The following STYXL2 variants were observed in gnomAD, a reference collection of about 807,000 sequenced individuals.
STYXL2 encodes the protein serine/threonine/tyrosine interacting like 2, also known as serine/threonine/tyrosine-interacting-like protein 2.
A neutral mutation model predicts 52.4 loss-of-function variants in STYXL2; 44 were observed. The ratio of observed to expected loss-of-function variants is 0.84; its 90% CI spans 0.66 to 1.08. STYXL2 has a LOEUF of 1.08. STYXL2 is among the 50% of genes least tolerant of loss of function. STYXL2 has a pLI of 0.00. For synonymous variants in STYXL2, 604 were observed against 586.9 expected (o/e 1.03, Z -0.42); for missense variants, 1,604 against 1,471.7 (o/e 1.09, Z -1.47).
At chr1:167,107,396 A>C (rs976910948) in intron 2 of STYXL2, among the ~76,000 whole-genome samples, 1 of 152,200 alleles carries the variant, frequency 6.6e-6, no homozygotes, top group African/African-American at 2.4e-5. Flanking sequence ...ATCTGGGGTG[A>C]CCATTACTCT....
At position 167,126,472 on chromosome 1, in the gene STYXL2, C is replaced by T. The variant is rs1364295813; in HGVS notation, c.1341C>T (p.Asp447=). ...SSAWESVSSH[D]IWVLKQQLEL... ...CCTGGGAGAGCGTGAGCAGCCACGA[C>T]ATCTGGGTCCTGAAGCAGCAGCTGG... is the stretch of plus-strand genomic sequence containing the variant. The change falls in exon 6 of 6, where the codon GAC becomes GAT. Residue 447 remains aspartate (D), a synonymous_variant. Transcript: ENST00000361200. 8.1e-6 allele frequency: 13 copies of T among 1,600,922 alleles called. No homozygotes were observed. Among genetic ancestry groups the T allele is most frequent in the Admixed American group, 3.5e-5 (2 of 57,752 alleles).
chr1:167,102,247 T>A (rs1412803518), intron 2 of STYXL2, among the ~76,000 whole-genome samples: 5 of 152,034 alleles, frequency 3.3e-5, no homozygotes, highest in Non-Finnish European at 7.4e-5. Context: ...ATATGTCAAA[T>A]CTTGTATATT....
intron 2 of STYXL2, among the ~76,000 whole-genome samples, chr1:167,099,898 T>C (rs1242123637): frequency 6.6e-6 from 1 of 152,268 alleles, no homozygotes; most frequent in Non-Finnish European, 1.5e-5. Context: ...AGCAGTAGGC[T>C]AGATAAATAG....
rs780621076 is a variant in STYXL2, at chr1:167,128,434, A to C, written c.3303A>C (p.Lys1101Asn). The change falls in exon 6 of 6, where the codon AAA (lysine) becomes AAC (asparagine). Residue 1101 changes from lysine to asparagine, a missense_variant. By Grantham distance (94) the Lys-to-Asn change is moderately conservative. Transcript: ENST00000361200. Reference protein sequence around the residue: ...SFMRSEEEGEKERTENREEGR... With the variant: ...SFMRSEEEGENERTENREEGR... Reference sequence around the variant, plus strand: ...TGAGGTCTGAAGAAGAGGGAGAGAAAGAGAGGACAGAAAACAGAGAAGAAG... The same window carrying C: ...TGAGGTCTGAAGAAGAGGGAGAGAACGAGAGGACAGAAAACAGAGAAGAAG... 1.5e-5 allele frequency: 24 copies of C among 1,613,996 alleles called. No homozygotes were observed. Among genetic ancestry groups the C allele is most frequent in the Non-Finnish European group, 1.9e-5 (23 of 1,180,012 alleles).
Position 167,126,405 on chromosome 1 carries a change from C to A in STYXL2, c.1274C>A (p.Ser425Tyr). 1 of 1,558,554 alleles carries A rather than the reference C, an allele frequency of 6.4e-7. No individual in the cohort carries two copies. Among genetic ancestry groups the A allele is most frequent in the South Asian group, 1.2e-5 (1 of 84,654 alleles). ...AAGGAGGAGGAGAGCGACGCTGGCT[C>A]CTCGGTGGGGAGGCGGCGGCGCACC... is the stretch of plus-strand genomic sequence containing the variant. ...EEKEEESDAG[S>Y]SVGRRRRTLS... Residue 425 changes from serine to tyrosine, a missense_variant, in exon 6 of 6, where the codon TCC becomes TAC. Coordinates refer to ENST00000361200, the MANE Select transcript of STYXL2 (RefSeq NM_001080426.3).
At chr1:167,111,391 A>G (rs1571338162) in intron 2 of STYXL2, among the ~76,000 whole-genome samples, 1 of 150,090 alleles carries the variant, frequency 6.7e-6, no homozygotes, top group South Asian at 2.1e-4. Flanking sequence ...TGTTTATAGC[A>G]GCACAGTTCA....
rs767017134 is a variant in STYXL2, at chr1:167,127,109, T to C, written c.1978T>C (p.Ser660Pro). ...CACGGCCAGCGGGAGCATTCCCCTG[T>C]CTGCGTTCTGGTCTGCAGACCCCTC... ...SSTASGSIPL[S>P]AFWSADPSVS... is the part of the protein sequence containing the mutation. Residue 660 changes from serine (S) to proline (P), a missense_variant, in exon 6 of 6, where the codon TCT becomes CCT. By Grantham distance (74) the Ser-to-Pro change is moderately conservative (BLOSUM62 -1). Transcript: ENST00000361200. 7 of 1,613,864 alleles carry C rather than the reference T, an allele frequency of 4.3e-6. No individual in the cohort carries two copies. Among genetic ancestry groups the C allele is most frequent in the Non-Finnish European group, 5.9e-6 (7 of 1,179,922 alleles).
rs768010442 is a variant in STYXL2, at chr1:167,119,381, G to T, written c.570G>T (p.Glu190Asp). The T allele has an allele frequency of 1.9e-6, 3 of 1,614,202 alleles. No individual in the cohort carries two copies. The highest frequency in any genetic ancestry group is 2.5e-6 in the Non-Finnish European group (3 of 1,180,026). The change falls in exon 5 of 6, where the codon GAG (glutamate) becomes GAT (aspartate). Residue 190 changes from glutamate to aspartate, a missense_variant. Transcript: ENST00000361200. ...TGGAGATCCAGTACCTGGGTGTAGAGGTGGATGACTTTCCTGAGGTGGACA... is the reference window on the plus strand; with the variant it reads ...TGGAGATCCAGTACCTGGGTGTAGATGTGGATGACTTTCCTGAGGTGGACA... ...TGLEIQYLGV[E>D]VDDFPEVDIS...
At chr1:167,096,042 G>C (rs995883754) in intron 2 of STYXL2, among the ~76,000 whole-genome samples, 8 of 152,106 alleles carry the variant, frequency 5.3e-5, no homozygotes, top group Non-Finnish European at 1.0e-4. Flanking sequence ...GGAGGATCAT[G>C]AGGTCAGGAG....
chr1:167,126,515 C>A lies in STYXL2; in HGVS notation c.1384C>A (p.His462Asn). ...KQQLELNRPDHGRRRRADSMS... is the reference protein window; with the variant it reads ...KQQLELNRPDNGRRRRADSMS... ...GCAGCTGGAGCTGAACCGCCCGGAC[C>A]ACGGCAGGAGGCGCCGCGCAGACTC... The change falls in exon 6 of 6, where the codon CAC becomes AAC. Residue 462 changes from histidine (H) to asparagine (N), a missense_variant. Transcript: ENST00000361200. 2 of 1,612,758 alleles carry A rather than the reference C, an allele frequency of 1.2e-6. No homozygotes were observed. Among genetic ancestry groups the A allele is most frequent in the East Asian group, 2.2e-5 (1 of 44,762 alleles).
intron 4 of STYXL2, 26 bp downstream of exon 4, chr1:167,117,585 C>G (rs1435342451): frequency 6.4e-7 from 1 of 1,557,426 alleles, no homozygotes; most frequent in East Asian, 2.4e-5. Context: ...CTTCATGACC[C>G]TTTGTCCTAA....
chr1:167,107,622 T>C (rs550335003), intron 2 of STYXL2, among the ~76,000 whole-genome samples: 23 of 152,332 alleles, frequency 1.5e-4, no homozygotes, highest in African/African-American at 4.8e-4. Flanking sequence ...CCCTTAAGTA[T>C]AGTTCTATTG....
Position 167,128,496 on chromosome 1 carries a change from G to C in STYXL2, c.3365G>C (p.Arg1122Thr). The C allele has an allele frequency of 6.2e-7, 1 of 1,613,980 alleles. No homozygotes were observed. The part of the protein sequence containing the change: ...FASGRRSQYR[R>T]STDREEEEEM... ...TCTGGACGGCGGTCCCAGTATCGGA[G>C]AAGCACTGACAGGGAGGAAGAGGAA... is the stretch of plus-strand genomic sequence containing the variant. Residue 1122 changes from arginine (R) to threonine (T), a missense_variant, in exon 6 of 6, where the codon AGA becomes ACA. Arg to Thr is a moderately conservative substitution (Grantham distance 71, BLOSUM62 -1). Transcript: ENST00000361200.
chr1:167,108,943 A>G (rs1667560587), intron 2 of STYXL2, among the ~76,000 whole-genome samples: 1 of 152,180 alleles, frequency 6.6e-6, no homozygotes, highest in African/African-American at 2.4e-5. Context: ...AACCTTTCCT[A>G]GAGGTAAAAT....
chr1:167,110,261 T>C (rs1296506072), intron 2 of STYXL2, among the ~76,000 whole-genome samples: 2 of 152,106 alleles, frequency 1.3e-5, no homozygotes, highest in Non-Finnish European at 2.9e-5. Context: ...CAACATAGTC[T>C]AGCCAAATGA....
At chr1:167,117,252 A>G (rs1478184763) in intron 3 of STYXL2, 76 bp from the exon 4 acceptor site, 2 of 1,326,710 alleles carry the variant, frequency 1.5e-6, no homozygotes, top group South Asian at 2.7e-5. Context: ...ACTGGCCAAG[A>G]GCATGTTCTC....
Position 167,126,655 on chromosome 1 carries a change from C to G in STYXL2, c.1524C>G (p.Ser508Arg), listed in dbSNP as rs748499718. 3 of 1,614,110 alleles carry G rather than the reference C, an allele frequency of 1.9e-6. No individual in the cohort carries two copies. The highest frequency in any genetic ancestry group is 1.7e-6 in the Non-Finnish European group (2 of 1,180,014). Reference sequence around the variant, plus strand: ...AGAGAGAGGAGGCGGCAGACAGGAGCTCAGAAGCAGGGAGCAGGGTGCGGG... The same window carrying G: ...AGAGAGAGGAGGCGGCAGACAGGAGGTCAGAAGCAGGGAGCAGGGTGCGGG... Reference protein sequence around the residue: ...KSKREEAADRSSEAGSRVRED... With the variant: ...KSKREEAADRRSEAGSRVRED... The change falls in exon 6 of 6, where the codon AGC becomes AGG. Residue 508 changes from serine to arginine, a missense_variant. Physicochemically the swap from Ser to Arg is moderately radical, Grantham distance 110 (BLOSUM62 -1). Transcript: ENST00000361200.
intron 2 of STYXL2, among the ~76,000 whole-genome samples, chr1:167,097,459 A>G (rs1269271784): frequency 6.6e-6 from 1 of 152,212 alleles, no homozygotes; most frequent in Non-Finnish European, 1.5e-5. Flanking sequence ...GTCTCCGTTT[A>G]ATGATAGTTA....
chr1:167,109,015 A>G (rs984449147), intron 2 of STYXL2, among the ~76,000 whole-genome samples: 3 of 152,020 alleles, frequency 2.0e-5, no homozygotes, highest in African/African-American at 7.3e-5. Context: ...CCCTGTAAGC[A>G]CTCTCAGTCC....
Sources: allele counts gnomAD v4.1 joint callset (sites outside exome capture counted in the v4.1 genomes callset), GRCh38; gene constraint gnomAD v4.1.1; transcripts MANE v1.5; gene names NCBI Gene and HGNC (gene_info 2026-07-23, HGNC 2026-07-21).